LPP: variants seen among roughly 807,000 people sequenced by gnomAD.
LPP encodes the protein lipoma-preferred partner.
Under a neutral mutation model 60.4 loss-of-function variants are expected in LPP, and 38 were observed. The observed-to-expected ratio is 0.63, with a 90% CI of 0.49 to 0.83. The LOEUF (loss-of-function observed/expected upper bound fraction) is 0.83, where lower values mean the gene tolerates loss of function less well. Ranked by LOEUF, LPP falls within the 40% of genes least tolerant of loss-of-function variation. LPP has a pLI of 0.00. For synonymous variants in LPP, 328 were observed against 290.8 expected (o/e 1.13, Z -1.30); for missense variants, 902 against 783.6 (o/e 1.15, Z -1.80).
intron 9 of LPP, among the ~76,000 whole-genome samples, chr3:188,834,324 GTTTTTTTTTTT>G (rs71867135): frequency 5.9e-5 from 2 of 34,096 alleles, no homozygotes; most frequent in Middle Eastern, 0.05. Context: ...CTTTTTGGGT[GTTTTTTTTTTT>G]TTTTTTTTTT....
intron 8 of LPP, among the ~76,000 whole-genome samples, chr3:188,757,178 C>T (rs1187324290): frequency 6.6e-6 from 1 of 152,182 alleles, no homozygotes; most frequent in Non-Finnish European, 1.5e-5. Context: ...CATGCTTTGC[C>T]ATGTGACTAT....
At chr3:188,676,618 C>T (rs1203455289) in intron 7 of LPP, among the ~76,000 whole-genome samples, 1 of 152,178 alleles carries the variant, frequency 6.6e-6, no homozygotes, top group Non-Finnish European at 1.5e-5. Context: ...AAATCTCCAT[C>T]AACATCTAAA....
intron 1 of LPP, among the ~76,000 whole-genome samples, chr3:188,155,177 TTTGGAACCTC>T (rs1379878483): frequency 2.0e-5 from 3 of 152,156 alleles, no homozygotes; most frequent in Non-Finnish European, 4.4e-5. Flanking sequence ...GGGCAGAGTC[TTTGGAACCTC>T]GGAGTCGTAG....
Position 188,182,765 on chromosome 3 carries a change from A to G in LPP, c.-190+28513A>G, listed in dbSNP as rs1725431760. ...ATATATACATATATGTACATATATT[A>G]TATATGTGCATATATAATATATGTA... On this transcript the variant is annotated intron_variant, in intron 1 of 11. Transcript: ENST00000617246. This position sits in a 1 kb window ranked among gnomAD's most constrained non-coding sequence, Gnocchi z 4.4. Among the ~76,000 whole-genome samples the G allele has an allele frequency of 6.7e-6, 1 of 149,088 alleles. No individual in the cohort carries two copies. Among genetic ancestry groups the G allele is most frequent in the Non-Finnish European group, 1.5e-5 (1 of 67,482 alleles).
chr3:188,878,547 GA>G lies in LPP; in HGVS notation c.*4073del. ...GCCATCTGTGGGAAACCAGCAAACT[GA>G]AAAAGACACCTCTGCAAAATGTGCC... On this transcript the variant is annotated 3_prime_UTR_variant, in exon 12 of 12. Coordinates refer to ENST00000617246, the MANE Select transcript of LPP (RefSeq NM_001375462.1). The G allele has an allele frequency of 4.7e-6, 1 of 213,344 alleles. No homozygotes were observed. The highest frequency in any genetic ancestry group is 9.5e-6 in the Non-Finnish European group (1 of 105,034). 13.2% of individuals were successfully genotyped at this position (213,344 alleles called of 1,614,324 possible).
At chr3:188,164,676 G>T (rs1245885089) in intron 1 of LPP, among the ~76,000 whole-genome samples, 1 of 152,192 alleles carries the variant, frequency 6.6e-6, no homozygotes, top group Admixed American at 6.5e-5. Flanking sequence ...AGATAGGTCA[G>T]TGTTCCAGTA....
rs552326992 is a variant in LPP, at chr3:188,857,502, G to A, written c.1411-8698G>A. Among the ~76,000 whole-genome samples, 38 of 152,218 alleles carry A rather than the reference G, an allele frequency of 2.5e-4. 1 individual carries two copies. In the South Asian group the frequency reaches 5.4e-3, roughly 22 times the overall value. On this transcript the variant is annotated intron_variant, in intron 9 of 11. Coordinates refer to ENST00000617246, the MANE Select transcript of LPP (RefSeq NM_001375462.1). ...TACCAGATTGCTCTGGAGATTAGAC[G>A]GGCTCCTGTTTGTGTACATTTAGTA... is the stretch of plus-strand genomic sequence containing the variant.
At chr3:188,796,865 C>T (rs571667392) in intron 9 of LPP, among the ~76,000 whole-genome samples, 13 of 152,264 alleles carry the variant, frequency 8.5e-5, no homozygotes, top group African/African-American at 3.1e-4. Context: ...TCTACACAGA[C>T]CCCATTGCAG....
At chr3:188,462,587 CATGTGTGT>C (rs1266874307) in intron 4 of LPP, among the ~76,000 whole-genome samples, 1,942 of 43,150 alleles carry the variant, frequency 0.045, 152 homozygotes, top group African/African-American at 0.15. Context: ...TATATATATG[CATGTGTGT>C]GTGTGTGTGT....
chr3:188,672,998 T>C (rs1003703522), intron 7 of LPP, among the ~76,000 whole-genome samples: 5 of 151,890 alleles, frequency 3.3e-5, no homozygotes, highest in African/African-American at 1.2e-4. Context: ...ACTCGTGTAC[T>C]GAGAATCCCC....
Position 188,887,321 on chromosome 3 carries a change from CTCTCTT to C in LPP, c.*12850_*12855del, listed in dbSNP as rs1770796962. ...AGGGAAAAAGTCAGTTCCTTCTTCTCTCTCTTTCTCTTTGGGTGACAGCAATGCTCA... is the reference window on the plus strand; with the variant it reads ...AGGGAAAAAGTCAGTTCCTTCTTCTCTCTCTTTGGGTGACAGCAATGCTCA... On this transcript the variant is annotated 3_prime_UTR_variant, in exon 12 of 12. Transcript: ENST00000617246. 1 of 217,242 alleles carries C rather than the reference CTCTCTT, an allele frequency of 4.6e-6. No individual in the cohort carries two copies. Among genetic ancestry groups the C allele is most frequent in the Non-Finnish European group, 9.3e-6 (1 of 108,058 alleles). 13.5% of individuals were successfully genotyped at this position (217,242 alleles called of 1,614,324 possible).
At chr3:188,363,633 G>A (rs1156351834) in intron 3 of LPP, among the ~76,000 whole-genome samples, 1 of 152,088 alleles carries the variant, frequency 6.6e-6, no homozygotes, top group South Asian at 2.1e-4. Context: ...TGGGCTGAGC[G>A]CAGTGGCTCA....
At chr3:188,581,702 T>A (rs191579644) in intron 6 of LPP, among the ~76,000 whole-genome samples, 1 of 152,210 alleles carries the variant, frequency 6.6e-6, no homozygotes, top group African/African-American at 2.4e-5. Flanking sequence ...ATACCCTGGA[T>A]CTTATCATTG....
intron 2 of LPP, among the ~76,000 whole-genome samples, chr3:188,242,023 A>G (rs181258183): frequency 6.6e-6 from 1 of 152,300 alleles, no homozygotes; most frequent in Non-Finnish European, 1.5e-5. Context: ...ATGAGGCCAA[A>G]TCGCAGGGTG....
intron 9 of LPP, among the ~76,000 whole-genome samples, chr3:188,830,619 A>G (rs548686312): frequency 6.6e-6 from 1 of 152,116 alleles, no homozygotes; most frequent in African/African-American, 2.4e-5. Flanking sequence ...AACAAAAAAA[A>G]AAATGCTTCC....
At chr3:188,507,380 C>T (rs1161175780) in intron 5 of LPP, among the ~76,000 whole-genome samples, 2 of 152,000 alleles carry the variant, frequency 1.3e-5, no homozygotes, top group South Asian at 4.1e-4. Flanking sequence ...TTAGTCCTTG[C>T]TACTGTTTGG....
At chr3:188,824,576 G>A (rs144665062) in intron 9 of LPP, among the ~76,000 whole-genome samples, 6 of 152,042 alleles carry the variant, frequency 3.9e-5, no homozygotes, top group Non-Finnish European at 8.8e-5. Context: ...ATCACCTTGA[G>A]TTGGTCTGTG....
At chr3:188,729,392 A>G (rs910070197) in intron 8 of LPP, among the ~76,000 whole-genome samples, 2 of 152,230 alleles carry the variant, frequency 1.3e-5, no homozygotes, top group Non-Finnish European at 2.9e-5. Context: ...TTGTCAAACA[A>G]TGGGTAACAT....
rs778796667 is a variant in LPP at position 188,182,584 on chromosome 3, C to T, written c.-190+28332C>T. Among the ~76,000 whole-genome samples the T allele has an allele frequency of 2.0e-5, 3 of 152,074 alleles. No individual in the cohort carries two copies. The highest frequency in any genetic ancestry group is 4.4e-5 in the Non-Finnish European group (3 of 68,032). On this transcript the variant is annotated intron_variant, in intron 1 of 11. Coordinates refer to ENST00000617246, the MANE Select transcript of LPP (RefSeq NM_001375462.1). The surrounding 1 kb of genome is among the most constrained non-coding windows in gnomAD (Gnocchi z 4.4). ...GAGGGAGCAAATATTTAATTAGCAC[C>T]TGCTATGTGCCAAGTCCTGTGCCCA...
Sources: gnomAD v4.1 joint callset for allele counts (sites outside exome capture counted in the v4.1 genomes callset) on GRCh38, gnomAD v4.1.1 for gene constraint, Gnocchi (gnomAD v3.1) non-coding constraint, MANE v1.5 for transcripts, NCBI Gene and HGNC (gene_info 2026-07-23, HGNC 2026-07-21) for gene names.